The following ENOX1 variants were observed in gnomAD, a reference collection of about 807,000 sequenced individuals.
ENOX1 encodes candidate growth-related and time keeping constitutive hydroquinone (NADH) oxidase.
A neutral mutation model predicts 82.5 loss-of-function variants in ENOX1; 42 were observed. That is an observed-to-expected ratio of 0.51 (90% confidence interval 0.40 to 0.66). The LOEUF is 0.66. Ranked by LOEUF, ENOX1 falls within the 30% of genes least tolerant of loss-of-function variation. The pLI is 0.00. For synonymous variants in ENOX1, 271 were observed against 282.2 expected (o/e 0.96, Z 0.40); for missense variants, 608 against 811.6 (o/e 0.75, Z 3.05).
chr13:43,333,353 C>T lies in ENOX1; in HGVS notation c.1037-6828G>A, dbSNP rs537405090. ...AGCTTTTGCCATTCCTGATAGATGA[C>T]AGAAGGCATGAATTACATGGTAACC... On this transcript the variant is annotated intron_variant, in intron 9 of 16. Transcript: ENST00000690772. Among the ~76,000 whole-genome samples the T allele has an allele frequency of 2.0e-5, 3 of 152,284 alleles. No homozygotes were observed. The East Asian group carries it at 5.8e-4, about 29-fold the overall frequency.
At chr13:43,240,435 C>A (rs1244846448) in intron 14 of ENOX1, among the ~76,000 whole-genome samples, 1 of 152,076 alleles carries the variant, frequency 6.6e-6, no homozygotes, top group East Asian at 1.9e-4. Flanking sequence ...GTTTTCAGTT[C>A]TGCATTTTAG....
At chr13:43,499,476 A>G (rs2076904836) in intron 2 of ENOX1, among the ~76,000 whole-genome samples, 1 of 152,122 alleles carries the variant, frequency 6.6e-6, no homozygotes, top group Non-Finnish European at 1.5e-5. Context: ...TATCCACAAT[A>G]CAAAGACCCT....
At chr13:43,770,985 G>A (rs1951561885) in intron 1 of ENOX1, among the ~76,000 whole-genome samples, 1 of 151,978 alleles carries the variant, frequency 6.6e-6, no homozygotes, top group South Asian at 2.1e-4. Flanking sequence ...AACTAGCCAG[G>A]CACTCAAATT....
At position 43,477,308 on chromosome 13, in the gene ENOX1, T is replaced by A. The variant is rs560953658; in HGVS notation, c.-75+6701A>T. ...AGAAGTAGATATCTGAAGAACATTT[T>A]AAAATTTTTAAATATGGGGGTGAAT... On this transcript the variant is annotated intron_variant, in intron 3 of 16. Coordinates refer to ENST00000690772, the MANE Select transcript of ENOX1 (RefSeq NM_001347969.2). Among the ~76,000 whole-genome samples, 8 of 152,140 alleles carry A rather than the reference T, an allele frequency of 5.3e-5. No homozygotes were observed. The East Asian group carries it at 5.8e-4, about 11-fold the overall frequency.
chr13:43,236,594 A>G (rs752480816), intron 15 of ENOX1, 42 bp downstream of exon 15: 1 of 1,234,054 alleles, frequency 8.1e-7, no homozygotes, highest in Admixed American at 2.6e-5. Context: ...ATTACCTAAT[A>G]ATTATTTAAG....
Position 43,484,023 on chromosome 13 carries a change from C to T in ENOX1, c.-89G>A. The T allele has an allele frequency of 1.0e-6, 1 of 985,482 alleles. No individual in the cohort carries two copies. The highest frequency in any genetic ancestry group is 1.2e-6 in the Non-Finnish European group (1 of 829,920). 61.0% of individuals were successfully genotyped at this position (985,482 alleles called of 1,614,324 possible). On this transcript the variant is annotated 5_prime_UTR_variant, in exon 3 of 17. Coordinates refer to ENST00000690772, the MANE Select transcript of ENOX1 (RefSeq NM_001347969.2). Reference sequence around the variant, plus strand: ...TTAACACAAACCTCAAAACTGCCAGCAGCTCAGAAGACAAATGTGTTCTCT... The same window carrying T: ...TTAACACAAACCTCAAAACTGCCAGTAGCTCAGAAGACAAATGTGTTCTCT...
chr13:43,395,192 T>C (rs1031995995), intron 5 of ENOX1, among the ~76,000 whole-genome samples: 1 of 152,208 alleles, frequency 6.6e-6, no homozygotes, highest in Non-Finnish European at 1.5e-5. Flanking sequence ...CATTCACTAC[T>C]GTGGGGCAGA....
intron 2 of ENOX1, among the ~76,000 whole-genome samples, chr13:43,550,341 T>C (rs115609050): frequency 0.044 from 6,703 of 152,250 alleles, 177 homozygotes; most frequent in Admixed American, 0.072. Context: ...CTACACACAG[T>C]TGGAGCCCCA....
intron 2 of ENOX1, among the ~76,000 whole-genome samples, chr13:43,601,886 G>T (rs889714108): frequency 1.1e-4 from 16 of 152,116 alleles, no homozygotes; most frequent in Non-Finnish European, 1.0e-4. Context: ...CCAGAAGAGT[G>T]TGAAATGACA....
Position 43,734,082 on chromosome 13 carries a change from G to A in ENOX1, c.-285+52570C>T, listed in dbSNP as rs552619765. 9.2e-5 allele frequency among the ~76,000 whole-genome samples: 14 copies of A among 152,308 alleles called. No individual in the cohort carries two copies. The East Asian group carries it at 2.5e-3, about 27-fold the overall frequency. On this transcript the variant is annotated intron_variant, in intron 1 of 16. Coordinates refer to ENST00000690772, the MANE Select transcript of ENOX1 (RefSeq NM_001347969.2). ...GCCAAGGAAAGCCTCAAGGACTTCG[G>A]ACAAAACACCAGAAACAAGAAAAGA...
intron 1 of ENOX1, among the ~76,000 whole-genome samples, chr13:43,742,958 T>C (rs1002587670): frequency 2.6e-5 from 4 of 152,160 alleles, no homozygotes; most frequent in African/African-American, 9.7e-5. Context: ...AAGCCTTCTA[T>C]CCTAGAAACA....
At chr13:43,511,216 T>C (rs2077356764) in intron 2 of ENOX1, among the ~76,000 whole-genome samples, 1 of 152,156 alleles carries the variant, frequency 6.6e-6, no homozygotes, top group South Asian at 2.1e-4. Context: ...TCAAAGCACA[T>C]TGCTAAATGT....
intron 14 of ENOX1, among the ~76,000 whole-genome samples, chr13:43,252,304 A>AAATT (rs2153471273): frequency 6.6e-6 from 1 of 152,292 alleles, no homozygotes; most frequent in African/African-American, 2.4e-5. Context: ...TTGGAAAAAA[A>AAATT]AATTAATAGA....
chr13:43,406,722 T>A (rs2053822916), intron 5 of ENOX1, among the ~76,000 whole-genome samples: 1 of 152,036 alleles, frequency 6.6e-6, no homozygotes, highest in Non-Finnish European at 1.5e-5. Flanking sequence ...CTCAATCTCC[T>A]GACCTCTTGA....
chr13:43,646,579 T>C (rs1454478059), intron 2 of ENOX1, among the ~76,000 whole-genome samples: 1 of 152,196 alleles, frequency 6.6e-6, no homozygotes, highest in Admixed American at 6.5e-5. Flanking sequence ...ATTAGAATCG[T>C]CATCTGTACA....
chr13:43,354,337 C>T lies in ENOX1; in HGVS notation c.823+1582G>A, dbSNP rs897787022. Among the ~76,000 whole-genome samples the T allele has an allele frequency of 1.3e-5, 2 of 152,196 alleles. 1 individual carries two copies. Among genetic ancestry groups the T allele is most frequent in the Admixed American group, 1.3e-4 (2 of 15,286 alleles). On this transcript the variant is annotated intron_variant, in intron 8 of 16. Coordinates refer to ENST00000690772, the MANE Select transcript of ENOX1 (RefSeq NM_001347969.2). Reference sequence around the variant, plus strand: ...ACATGTTTTCTCAAAGCAGCAGACACACCACAAGAGCATCAGCAAGAAGCA... The same window carrying T: ...ACATGTTTTCTCAAAGCAGCAGACATACCACAAGAGCATCAGCAAGAAGCA...
intron 2 of ENOX1, among the ~76,000 whole-genome samples, chr13:43,529,920 C>T (rs1379868015): frequency 2.0e-5 from 3 of 152,138 alleles, no homozygotes; most frequent in East Asian, 3.9e-4. Context: ...AAACAACAAA[C>T]TATGAATGCA....
At chr13:43,644,274 T>C (rs1026404703) in intron 2 of ENOX1, among the ~76,000 whole-genome samples, 9 of 152,152 alleles carry the variant, frequency 5.9e-5, no homozygotes, top group African/African-American at 7.2e-5. Flanking sequence ...AATTTTATAG[T>C]GAGTGACATA....
chr13:43,356,189 A>G (rs1347047654), intron 7 of ENOX1, 37 bp from the exon 8 acceptor site: 1 of 1,595,394 alleles, frequency 6.3e-7, no homozygotes, highest in African/African-American at 1.3e-5. Flanking sequence ...ACCATAATGT[A>G]ACAATGGCCA....
Sources: allele counts gnomAD v4.1 joint callset (sites outside exome capture counted in the v4.1 genomes callset), GRCh38; gene constraint gnomAD v4.1.1; transcripts MANE v1.5; gene names NCBI Gene and HGNC (gene_info 2026-07-23, HGNC 2026-07-21).